Variants in GLRA1 observed in about 807,000 individuals in gnomAD.
GLRA1 encodes glycine receptor alpha 1.
A neutral mutation model predicts 48.3 loss-of-function variants in GLRA1; 37 were observed. The observed-to-expected ratio is 0.77, with a 90% CI of 0.59 to 1.01. The LOEUF (loss-of-function observed/expected upper bound fraction) is 1.01. GLRA1 is among the 50% of genes least tolerant of loss of function. The pLI, the probability that GLRA1 is intolerant of heterozygous loss-of-function variation, is 0.00. For missense variants in GLRA1, 427 were observed against 571.0 expected, an observed-to-expected ratio of 0.75 and a Z score of 2.57; for synonymous variants, 196 against 210.7, an observed-to-expected ratio of 0.93 and a Z score of 0.60.
intron 3 of GLRA1, 146 bp downstream of exon 3, chr5:151,886,575 A>T: frequency 1.4e-6 from 1 of 703,822 alleles, no homozygotes; most frequent in Non-Finnish European, 2.6e-6. Context: ...CAGTAAAGAC[A>T]TCCGAGCCTC....
intron 7 of GLRA1, among the ~76,000 whole-genome samples, chr5:151,838,839 C>G (rs1341517533): frequency 6.6e-6 from 1 of 152,160 alleles, no homozygotes; most frequent in Non-Finnish European, 1.5e-5. Flanking sequence ...AGATCCACAC[C>G]TAGACACATC....
chr5:151,902,724 C>A (rs984149139), intron 1 of GLRA1, among the ~76,000 whole-genome samples: 1 of 151,880 alleles, frequency 6.6e-6, no homozygotes, highest in African/African-American at 2.4e-5. Flanking sequence ...AACAGCCAGC[C>A]CTTATTGAGT....
chr5:151,870,663 T>C (rs1045167558), intron 3 of GLRA1, among the ~76,000 whole-genome samples: 2 of 149,680 alleles, frequency 1.3e-5, no homozygotes, highest in African/African-American at 5.1e-5. Context: ...AATTTGGCAA[T>C]TGGTAATCTA....
chr5:151,860,581 C>T (rs973653403), intron 3 of GLRA1, among the ~76,000 whole-genome samples: 6 of 152,144 alleles, frequency 3.9e-5, no homozygotes, highest in Non-Finnish European at 8.8e-5. Flanking sequence ...GAGGGATGGG[C>T]GGAAGAATTC....
intron 3 of GLRA1, among the ~76,000 whole-genome samples, chr5:151,861,377 C>G (rs995329601): frequency 2.6e-5 from 4 of 152,238 alleles, no homozygotes; most frequent in Non-Finnish European, 5.9e-5. Flanking sequence ...TCCACATCCT[C>G]TCCAGCACCT....
At chr5:151,860,242 G>C (rs1478849884) in intron 3 of GLRA1, among the ~76,000 whole-genome samples, 1 of 151,996 alleles carries the variant, frequency 6.6e-6, no homozygotes, top group Non-Finnish European at 1.5e-5. Flanking sequence ...CCTGAACTGA[G>C]ATTATGTAAA....
At chr5:151,864,030 C>T (rs984217058) in intron 3 of GLRA1, among the ~76,000 whole-genome samples, 1 of 152,154 alleles carries the variant, frequency 6.6e-6, no homozygotes, top group Non-Finnish European at 1.5e-5. Flanking sequence ...AGTGTTGGCT[C>T]TTTGTCCTGT....
chr5:151,917,078 C>T (rs114300714), intron 1 of GLRA1, among the ~76,000 whole-genome samples: 3 of 152,194 alleles, frequency 2.0e-5, no homozygotes, highest in Admixed American at 2.0e-4. Flanking sequence ...GTCACCCACT[C>T]TATAAACTTG....
chr5:151,903,886 TAATC>T (rs1385380169), intron 1 of GLRA1, among the ~76,000 whole-genome samples: 1 of 152,226 alleles, frequency 6.6e-6, no homozygotes, highest in East Asian at 1.9e-4. Flanking sequence ...TTGACTGACT[TAATC>T]AAGGTGACTT....
At chr5:151,923,187 C>T (rs1333742478) in intron 1 of GLRA1, among the ~76,000 whole-genome samples, 3 of 152,156 alleles carry the variant, frequency 2.0e-5, no homozygotes, top group African/African-American at 7.2e-5. Flanking sequence ...CATTGGGTAT[C>T]TCAGATAAGG....
rs1763180652 is a variant in GLRA1 at position 151,822,970 on chromosome 5, T to G, written c.1060-7A>C. ...CTTCTCCAGCTTCATCCTCCTGGAA[T>G]AGATTCAACATGGGGCTCTACTTAA... On this transcript the variant is annotated splice_region_variant and splice_polypyrimidine_tract_variant and intron_variant, in intron 8 of 8. Transcript: ENST00000274576. 4 of 1,596,130 alleles carry G rather than the reference T, an allele frequency of 2.5e-6. No individual in the cohort carries two copies. The highest frequency in any genetic ancestry group is 3.4e-6 in the Non-Finnish European group (4 of 1,170,068).
intron 8 of GLRA1, among the ~76,000 whole-genome samples, chr5:151,823,732 C>G (rs1168583629): frequency 2.0e-5 from 3 of 152,236 alleles, no homozygotes; most frequent in African/African-American, 4.8e-5. Flanking sequence ...CCACCAGATA[C>G]TTTGCAGCCC....
intron 8 of GLRA1, among the ~76,000 whole-genome samples, chr5:151,827,773 A>G (rs1763314601): frequency 6.6e-6 from 1 of 152,180 alleles, no homozygotes; most frequent in African/African-American, 2.4e-5. Flanking sequence ...GTGACCTGCA[A>G]CACTATGACA....
intron 2 of GLRA1, 98 bp from the exon 3 acceptor site, chr5:151,886,886 CT>C: frequency 1.1e-6 from 1 of 901,342 alleles, no homozygotes; most frequent in African/African-American, 1.6e-5. Context: ...AATGGATCGC[CT>C]TTGGTGGAGG....
chr5:151,915,754 A>C (rs1434019973), intron 1 of GLRA1, among the ~76,000 whole-genome samples: 1 of 151,300 alleles, frequency 6.6e-6, no homozygotes, highest in African/African-American at 2.4e-5. Context: ...AAATTATCAA[A>C]AAGGATAACA....
At chr5:151,833,180 A>G (rs941313122) in intron 7 of GLRA1, among the ~76,000 whole-genome samples, 27 of 152,372 alleles carry the variant, frequency 1.8e-4, no homozygotes, top group African/African-American at 6.0e-4. Context: ...AACCGGTACC[A>G]GCCACTGCAA....
At chr5:151,852,495 C>T (rs554099883) in intron 6 of GLRA1, among the ~76,000 whole-genome samples, 27 of 152,304 alleles carry the variant, frequency 1.8e-4, no homozygotes, top group African/African-American at 6.3e-4. Context: ...CTTGTCTGCT[C>T]CCTGTCTGTG....
chr5:151,923,871 A>G (rs912257190), intron 1 of GLRA1, among the ~76,000 whole-genome samples: 12 of 152,126 alleles, frequency 7.9e-5, no homozygotes, highest in Non-Finnish European at 1.8e-4. Flanking sequence ...AAATAGATCC[A>G]CTCTGCACCC....
intron 4 of GLRA1, 48 bp downstream of exon 4, chr5:151,859,737 G>A: frequency 1.5e-6 from 2 of 1,355,328 alleles, no homozygotes; most frequent in Non-Finnish European, 2.1e-6. Context: ...AGGTAGTGGG[G>A]CAAGACATGT....
Sources: gnomAD v4.1 joint callset for allele counts (sites outside exome capture counted in the v4.1 genomes callset) on GRCh38, gnomAD v4.1.1 for gene constraint, MANE v1.5 for transcripts, NCBI Gene and HGNC (gene_info 2026-07-23, HGNC 2026-07-21) for gene names.